The following RAB2A variants were observed in gnomAD, a reference collection of about 807,000 sequenced individuals.
The protein encoded by RAB2A is ras-related protein Rab-2A.
In RAB2A, 7 loss-of-function variants were observed where a neutral mutation model predicts 32.5. The ratio of observed to expected loss-of-function variants is 0.22; its 90% CI spans 0.12 to 0.40. The LOEUF is 0.40. RAB2A is among the 10% of genes least tolerant of loss of function. RAB2A has a pLI of 1.00. For missense variants in RAB2A, 108 were observed against 260.7 expected (o/e 0.41, Z 4.03); for synonymous variants, 79 against 85.2 (o/e 0.93, Z 0.40).
At chr8:60,559,076 T>C (rs1807981263) in intron 2 of RAB2A, 153 bp downstream of exon 2, 9 of 578,168 alleles carry the variant, frequency 1.6e-5, no homozygotes, top group African/African-American at 3.8e-5. Context: ...TTTAAAAATA[T>C]GTGTAGTAAA....
intron 6 of RAB2A, among the ~76,000 whole-genome samples, chr8:60,597,030 A>G (rs772439923): frequency 2.0e-5 from 3 of 152,228 alleles, no homozygotes; most frequent in Non-Finnish European, 4.4e-5. Context: ...TGTGGAAGAC[A>G]GTGTGGCAAT....
intron 1 of RAB2A, among the ~76,000 whole-genome samples, chr8:60,537,223 T>C (rs1383290321): frequency 6.6e-6 from 1 of 152,194 alleles, no homozygotes; most frequent in East Asian, 1.9e-4. Flanking sequence ...AATATTTTGT[T>C]ATAATTTTTT....
chr8:60,532,947 A>G (rs916047593), intron 1 of RAB2A, among the ~76,000 whole-genome samples: 7 of 152,268 alleles, frequency 4.6e-5, no homozygotes, highest in Non-Finnish European at 5.9e-5. Context: ...ACACAGTCCA[A>G]TTTGGTTGAA....
intron 4 of RAB2A, 26 bp from the exon 5 acceptor site, chr8:60,584,697 G>A (rs1347266156): frequency 5.9e-6 from 9 of 1,536,746 alleles, no homozygotes; most frequent in Admixed American, 1.7e-5. Flanking sequence ...TTTGAACATA[G>A]TAATTAAATT....
chr8:60,531,912 C>A (rs979340844), intron 1 of RAB2A, among the ~76,000 whole-genome samples: 1 of 151,672 alleles, frequency 6.6e-6, no homozygotes. Flanking sequence ...AAGCGATTCT[C>A]CTGCCACACC....
At chr8:60,552,012 T>TTTG (rs1554553399) in intron 1 of RAB2A, 18,020 of 146,392 alleles carry the variant, frequency 0.12, 1,603 homozygotes, top group Middle Eastern at 0.21. Flanking sequence ...TTTTTTTTTT[T>TTTG]TTTTTTTTAA....
chr8:60,576,388 C>T (rs1008772763), intron 3 of RAB2A: 27 of 416,626 alleles, frequency 6.5e-5, no homozygotes, highest in Non-Finnish European at 1.1e-4. Flanking sequence ...CCTTCTATTC[C>T]TCTTTCAGTT....
intron 6 of RAB2A, among the ~76,000 whole-genome samples, chr8:60,607,935 T>A (rs1405055759): frequency 2.0e-5 from 3 of 152,182 alleles, no homozygotes; most frequent in African/African-American, 4.8e-5. Flanking sequence ...ATAAAATCCT[T>A]TCACTCCATT....
intron 3 of RAB2A, among the ~76,000 whole-genome samples, chr8:60,579,820 G>A (rs748079659): frequency 7.5e-4 from 114 of 151,946 alleles, no homozygotes; most frequent in Non-Finnish European, 1.5e-3. Context: ...GTAGAGACAG[G>A]GTTTCACTGT....
At chr8:60,596,409 G>C (rs1248025234) in intron 6 of RAB2A, among the ~76,000 whole-genome samples, 1 of 152,076 alleles carries the variant, frequency 6.6e-6, no homozygotes, top group Non-Finnish European at 1.5e-5. Context: ...TCTGACAAAA[G>C]GGCTAATATC....
At chr8:60,561,356 T>G (rs1808022698) in intron 2 of RAB2A, among the ~76,000 whole-genome samples, 1 of 152,216 alleles carries the variant, frequency 6.6e-6, no homozygotes, top group African/African-American at 2.4e-5. Flanking sequence ...AAAATTTACC[T>G]AGATGGTTTT....
intron 5 of RAB2A, among the ~76,000 whole-genome samples, chr8:60,590,152 G>A (rs904780134): frequency 4.6e-5 from 7 of 151,878 alleles, no homozygotes; most frequent in African/African-American, 1.5e-4. Flanking sequence ...GTAGAGACGG[G>A]GTTTCACCAT....
intron 1 of RAB2A, among the ~76,000 whole-genome samples, chr8:60,529,518 C>A (rs1056893463): frequency 2.0e-5 from 3 of 152,036 alleles, no homozygotes; most frequent in Non-Finnish European, 2.9e-5. Flanking sequence ...GGAGTTACTC[C>A]GTTGTCATTA....
intron 6 of RAB2A, among the ~76,000 whole-genome samples, chr8:60,610,133 A>T (rs1804313419): frequency 1.3e-5 from 2 of 152,058 alleles, no homozygotes; most frequent in South Asian, 4.2e-4. Context: ...CAGAAGCCTT[A>T]TGCTTATGCT....
chr8:60,522,426 G>A (rs930845011), intron 1 of RAB2A, among the ~76,000 whole-genome samples: 2 of 152,176 alleles, frequency 1.3e-5, no homozygotes, highest in Non-Finnish European at 2.9e-5. Context: ...CTTCTGGGGA[G>A]GAGAGTAGAA....
chr8:60,607,644 A>G (rs1804257811), intron 6 of RAB2A, among the ~76,000 whole-genome samples: 1 of 152,092 alleles, frequency 6.6e-6, no homozygotes, highest in Non-Finnish European at 1.5e-5. Context: ...ATTCTGTTAA[A>G]ATGCAGATTC....
intron 6 of RAB2A, among the ~76,000 whole-genome samples, chr8:60,608,571 CCTT>C (rs913118060): frequency 6.7e-6 from 1 of 150,250 alleles, no homozygotes; most frequent in Non-Finnish European, 1.5e-5. Context: ...TTCTCCTTCT[CCTT>C]CTCCTCCTCT....
intron 1 of RAB2A, among the ~76,000 whole-genome samples, chr8:60,543,987 G>T (rs768847638): frequency 8.6e-5 from 13 of 150,662 alleles, no homozygotes; most frequent in Non-Finnish European, 1.8e-4. Flanking sequence ...ACTTGAACTC[G>T]GTGGGTGGAG....
At chr8:60,560,208 T>A (rs1406070377) in intron 2 of RAB2A, among the ~76,000 whole-genome samples, 4 of 152,138 alleles carry the variant, frequency 2.6e-5, no homozygotes, top group African/African-American at 9.6e-5. Flanking sequence ...CCATCTCAGC[T>A]TCCCAGGTAG....
Sources: gnomAD v4.1 joint callset for allele counts (sites outside exome capture counted in the v4.1 genomes callset) on GRCh38, gnomAD v4.1.1 for gene constraint, MANE v1.5 for transcripts, NCBI Gene and HGNC (gene_info 2026-07-23, HGNC 2026-07-21) for gene names.